Variants in HBP1 observed in about 807,000 individuals in gnomAD.
HBP1 encodes HMG box-containing protein 1.
A neutral mutation model predicts 62.6 loss-of-function variants in HBP1; 20 were observed. The observed-to-expected ratio is 0.32, with a 90% confidence interval of 0.22 to 0.46. The LOEUF (loss-of-function observed/expected upper bound fraction) is 0.46, where lower values mean the gene tolerates loss of function less well. Ranked by LOEUF, HBP1 falls within the 20% of genes least tolerant of loss-of-function variation. The pLI is 1.00. For missense variants in HBP1, 480 were observed against 611.8 expected (o/e 0.78, Z 2.27); for synonymous variants, 232 against 206.2 (o/e 1.12, Z -1.07).
At chr7:107,197,823 C>T (rs1797999653) in intron 9 of HBP1, among the ~76,000 whole-genome samples, 1 of 152,186 alleles carries the variant, frequency 6.6e-6, no homozygotes, top group African/African-American at 2.4e-5. Flanking sequence ...GTTTGGAAGT[C>T]TACTTCTGTG....
intron 6 of HBP1, among the ~76,000 whole-genome samples, chr7:107,186,945 A>G (rs1001060422): frequency 1.3e-5 from 2 of 152,234 alleles, no homozygotes; most frequent in East Asian, 1.9e-4. Flanking sequence ...ACAATGGGGA[A>G]AACTGGTATT....
chr7:107,196,636 A>G (rs1213024812), intron 9 of HBP1: 1 of 227,118 alleles, frequency 4.4e-6, no homozygotes, highest in Non-Finnish European at 9.0e-6. Context: ...TATAATACAT[A>G]GACAATTAGG....
chr7:107,189,492 C>T (rs1797544804), intron 7 of HBP1, 44 bp downstream of exon 7: 3 of 1,421,580 alleles, frequency 2.1e-6, no homozygotes, highest in African/African-American at 2.9e-5. Context: ...TTAAACAAAG[C>T]TTCTTAAATC....
chr7:107,186,011 A>T (rs935243170), intron 4 of HBP1, 69 bp downstream of exon 4: 1 of 1,156,696 alleles, frequency 8.6e-7, no homozygotes, highest in African/African-American at 1.5e-5. Context: ...AACATTCCTC[A>T]TAGGAAGTAG....
intron 1 of HBP1, chr7:107,169,772 GA>G: frequency 3.0e-6 from 3 of 985,070 alleles, no homozygotes; most frequent in Non-Finnish European, 3.6e-6. Flanking sequence ...GAGCCGAGGG[GA>G]AAAACAAGCC....
chr7:107,185,866 T>G lies in HBP1; in HGVS notation c.464T>G (p.Val155Gly). Reference protein sequence around the residue: ...SLHSYARPPPVSSSSKSEPAF... With the variant: ...SLHSYARPPPGSSSSKSEPAF... ...CATTCCTATGCACGCCCTCCACCAG[T>G]GTCCTCTTCTTCGAAGAGTGAACCA... Residue 155 changes from valine (V) to glycine (G), a missense_variant, in exon 4 of 11, where the codon GTG (valine) becomes GGG (glycine). Coordinates refer to ENST00000222574, the MANE Select transcript of HBP1 (RefSeq NM_012257.4). 3 of 1,612,572 alleles carry G rather than the reference T, an allele frequency of 1.9e-6. No individual in the cohort carries two copies. Among genetic ancestry groups the G allele is most frequent in the Non-Finnish European group, 2.5e-6 (3 of 1,178,542 alleles).
intron 9 of HBP1, chr7:107,196,388 CCT>C: frequency 2.1e-6 from 1 of 482,206 alleles, no homozygotes. Flanking sequence ...CCTGCCTCAG[CCT>C]CTCAAGTAGC....
chr7:107,187,975 A>G (rs1013574828), intron 6 of HBP1, among the ~76,000 whole-genome samples: 1 of 152,072 alleles, frequency 6.6e-6, no homozygotes, highest in Non-Finnish European at 1.5e-5. Context: ...TGTGGAATGC[A>G]CTCTGGACTT....
At chr7:107,175,666 A>G (rs1796802269) in intron 1 of HBP1, among the ~76,000 whole-genome samples, 2 of 151,166 alleles carry the variant, frequency 1.3e-5, no homozygotes, top group African/African-American at 2.4e-5. Flanking sequence ...TTTGCCAGCT[A>G]TATGAGTTTA....
chr7:107,171,297 C>T (rs1423546192), intron 1 of HBP1, among the ~76,000 whole-genome samples: 1 of 151,150 alleles, frequency 6.6e-6, no homozygotes, highest in Non-Finnish European at 1.5e-5. Flanking sequence ...GTCTCAATCT[C>T]CTGACCTCGT....
rs1798341163 is a variant in HBP1, at chr7:107,201,847, A to AATT, written c.*416_*417insATT. Reference sequence around the variant, plus strand: ...CTTACTGCTTATTAATCTGTATTGTACACATGATGAAATGAAGCAGAAGCT... The same window carrying AATT: ...CTTACTGCTTATTAATCTGTATTGTAATTCACATGATGAAATGAAGCAGAAGCT... On this transcript the variant is annotated 3_prime_UTR_variant, in exon 11 of 11. Coordinates refer to ENST00000222574, the MANE Select transcript of HBP1 (RefSeq NM_012257.4). 2 of 155,550 alleles carry AATT rather than the reference A, an allele frequency of 1.3e-5. No individual in the cohort carries two copies. Among genetic ancestry groups the AATT allele is most frequent in the Non-Finnish European group, 2.9e-5 (2 of 70,152 alleles). The allele number at this position is 155,550 out of a possible 1,614,324, so 9.6% of individuals were successfully genotyped here. A position where few individuals can be genotyped will look rare whatever the true frequency, so the allele number is the denominator to read the frequency against.
At chr7:107,201,186 A>C (rs940204628) in intron 10 of HBP1, 1 of 393,304 alleles carries the variant, frequency 2.5e-6, no homozygotes, top group African/African-American at 2.1e-5. Context: ...ATGTGTTCGG[A>C]CTTTTCCTGT....
In HBP1 at chr7:107,169,173, C is replaced by T; in HGVS notation, c.-28C>T. ...GAGCGGCCCGCGCCTGGGCTGCCGG[C>T]ACTTCGCGGCAGGTTTGTTGTCTTT... On this transcript the variant is annotated 5_prime_UTR_variant, in exon 1 of 11. Coordinates refer to ENST00000222574, the MANE Select transcript of HBP1 (RefSeq NM_012257.4). The T allele has an allele frequency of 9.4e-7, 1 of 1,064,160 alleles. No individual in the cohort carries two copies. Among genetic ancestry groups the T allele is most frequent in the South Asian group, 2.0e-5 (1 of 49,794 alleles). 65.9% of individuals were successfully genotyped at this position (1,064,160 alleles called of 1,614,324 possible). A position where few individuals can be genotyped will look rare whatever the true frequency, so the allele number is the denominator to read the frequency against.
chr7:107,180,120 C>T, intron 2 of HBP1, 58 bp downstream of exon 2: 1 of 1,094,088 alleles, frequency 9.1e-7, no homozygotes, highest in Non-Finnish European at 1.3e-6. Flanking sequence ...AATTTTTCTA[C>T]TTAGCCCGCT....
chr7:107,196,852 C>T (rs1797930260), intron 9 of HBP1: 1 of 152,764 alleles, frequency 6.5e-6, no homozygotes, highest in African/African-American at 2.4e-5. Context: ...GCCATGTTGC[C>T]CAGGCTGGTC....
At chr7:107,181,455 G>T (rs939943534) in intron 2 of HBP1, among the ~76,000 whole-genome samples, 3 of 151,986 alleles carry the variant, frequency 2.0e-5, no homozygotes, top group Middle Eastern at 3.4e-3. Context: ...CTGGGCAACA[G>T]AGTAAGACCC....
At position 107,179,905 on chromosome 7, in the gene HBP1, A is replaced by T; in HGVS notation, c.12A>T (p.Glu4Asp). 1 of 1,594,142 alleles carries T rather than the reference A, an allele frequency of 6.3e-7. No homozygotes were observed. Among genetic ancestry groups the T allele is most frequent in the Non-Finnish European group, 8.6e-7 (1 of 1,163,966 alleles). MVW[E>D]VKTNQMPNAV... ...CAGAGCACCATAACATGGTGTGGGA[A>T]GTGAAGACAAATCAGATGCCTAATG... Residue 4 changes from glutamate (E) to aspartate (D), a missense_variant, in exon 2 of 11, where the codon GAA (glutamate) becomes GAT (aspartate). By Grantham distance (45) the Glu-to-Asp change is conservative. Transcript: ENST00000222574.
In HBP1 at chr7:107,179,889, A is replaced by G. The variant is rs200448127; in HGVS notation, c.-5A>G. Reference sequence around the variant, plus strand: ...CGTTTTTATTTTAAGTCAGAGCACCATAACATGGTGTGGGAAGTGAAGACA... The same window carrying G: ...CGTTTTTATTTTAAGTCAGAGCACCGTAACATGGTGTGGGAAGTGAAGACA... On this transcript the variant is annotated 5_prime_UTR_variant, in exon 2 of 11. Coordinates refer to ENST00000222574, the MANE Select transcript of HBP1 (RefSeq NM_012257.4). 3.2e-5 allele frequency: 50 copies of G among 1,575,542 alleles called. No homozygotes were observed. In the African/African-American group the frequency reaches 5.5e-4, roughly 17 times the overall value.
intron 3 of HBP1, among the ~76,000 whole-genome samples, chr7:107,185,369 T>TCC (rs1554385567): frequency 6.6e-6 from 1 of 152,202 alleles, no homozygotes; most frequent in East Asian, 1.9e-4. Flanking sequence ...GGTTGGTAGA[T>TCC]AAAGAGTTCA....
Sources: allele counts gnomAD v4.1 joint callset (sites outside exome capture counted in the v4.1 genomes callset), GRCh38; gene constraint gnomAD v4.1.1; transcripts MANE v1.5; gene names NCBI Gene and HGNC (gene_info 2026-07-23, HGNC 2026-07-21).